TMEM272: variants seen among roughly 807,000 people sequenced by gnomAD.
The protein encoded by TMEM272 is transmembrane protein 272.
Under a neutral mutation model 3.7 loss-of-function variants are expected in TMEM272, and 8 were observed. The observed-to-expected ratio is 2.17, with a 90% CI of 1.27 to 3.91. TMEM272 has a LOEUF of 3.91. TMEM272 is among the 30% of genes most tolerant of loss of function. TMEM272 has a pLI of 0.00. For synonymous variants in TMEM272, 63 were observed against 39.8 expected, an observed-to-expected ratio of 1.58 and a Z score of -2.20; for missense variants, 166 against 91.5, an observed-to-expected ratio of 1.81 and a Z score of -3.32.
chr13:51,828,500 G>C (rs1236473778), intron 2 of TMEM272, among the ~76,000 whole-genome samples: 1 of 152,122 alleles, frequency 6.6e-6, no homozygotes, highest in Non-Finnish European at 1.5e-5. Context: ...TCCAGGAAAT[G>C]TTGATGGGGG....
chr13:51,870,537 C>T, the TMEM272 span, among the ~76,000 whole-genome samples: 7 of 150,886 alleles, frequency 4.6e-5, no homozygotes, highest in South Asian at 1.0e-3. Context: ...CCTCAAGTCC[C>T]GATAAAACAC....
At chr13:51,922,523 C>T in the TMEM272 span, among the ~76,000 whole-genome samples, 2 of 152,324 alleles carry the variant, frequency 1.3e-5, no homozygotes, top group South Asian at 4.1e-4. Context: ...CAGCCTCAAC[C>T]TGCCAGGCGA....
At chr13:51,849,353 G>A (rs147752430), upstream of TMEM272, among the ~76,000 whole-genome samples, 5 of 152,358 alleles carry the variant, frequency 3.3e-5, 1 homozygote, top group East Asian at 5.8e-4. Flanking sequence ...GGGGAGCACG[G>A]GGAGCTGCTG....
chr13:51,899,315 C>T, the TMEM272 span, among the ~76,000 whole-genome samples: 1 of 149,968 alleles, frequency 6.7e-6, no homozygotes, highest in Non-Finnish European at 1.5e-5. Flanking sequence ...GCTTCATAAT[C>T]ACACTGTATC....
the TMEM272 span, among the ~76,000 whole-genome samples, chr13:51,923,597 C>T: frequency 1.3e-5 from 2 of 151,478 alleles, no homozygotes; most frequent in Admixed American, 1.3e-4. Context: ...GTGAGACAAA[C>T]AGCTCCAAAG....
At chr13:51,820,652 G>A (rs1000006607) in intron 4 of TMEM272, among the ~76,000 whole-genome samples, 2 of 152,342 alleles carry the variant, frequency 1.3e-5, no homozygotes, top group East Asian at 3.9e-4. Flanking sequence ...TTGACGATGA[G>A]TGAGAACAGG....
chr13:51,838,342 C>T (rs1956233230), intron 2 of TMEM272, 131 bp downstream of exon 2: 6 of 679,002 alleles, frequency 8.8e-6, no homozygotes, highest in Non-Finnish European at 1.6e-5. Flanking sequence ...TCTTCCCCAG[C>T]TCTACCACCC....
At position 51,837,361 on chromosome 13, in the gene TMEM272, G is replaced by A. The variant is rs149633652; in HGVS notation, c.58+1112C>T. Among the ~76,000 whole-genome samples the A allele has an allele frequency of 1.9e-4, 29 of 152,250 alleles. No individual in the cohort carries two copies. The East Asian group carries it at 2.5e-3, about 13-fold the overall frequency. On this transcript the variant is annotated intron_variant, in intron 2 of 4. Coordinates refer to ENST00000629372, the MANE Select transcript of TMEM272 (RefSeq NM_001351003.2). ...GCTGATGGTGTCTCCTTTCCCTGCCGGCAGTAAACCTATGAGTTTTCATCC... is the reference window on the plus strand; with the variant it reads ...GCTGATGGTGTCTCCTTTCCCTGCCAGCAGTAAACCTATGAGTTTTCATCC...
chr13:51,854,755 G>A, the TMEM272 span, among the ~76,000 whole-genome samples: 2 of 152,158 alleles, frequency 1.3e-5, no homozygotes, highest in Non-Finnish European at 2.9e-5. Context: ...ATATGCAAAA[G>A]TACTTAGGAC....
chr13:51,843,596 T>A (rs1593601501), intron 1 of TMEM272, among the ~76,000 whole-genome samples: 1 of 152,216 alleles, frequency 6.6e-6, no homozygotes, highest in Non-Finnish European at 1.5e-5. Flanking sequence ...AAAACGTACA[T>A]TTTTTCTTAT....
the TMEM272 span, among the ~76,000 whole-genome samples, chr13:51,912,395 C>T: frequency 7.9e-5 from 12 of 152,076 alleles, no homozygotes; most frequent in African/African-American, 2.2e-4. Context: ...TCAGGAGCAC[C>T]GAGCCATGCC....
At chr13:51,867,690 A>T in the TMEM272 span, among the ~76,000 whole-genome samples, 3 of 152,164 alleles carry the variant, frequency 2.0e-5, no homozygotes, top group African/African-American at 7.2e-5. Flanking sequence ...TCTCAGAGGA[A>T]GCAGGGTCAG....
chr13:51,878,416 C>A, the TMEM272 span, among the ~76,000 whole-genome samples: 1 of 151,958 alleles, frequency 6.6e-6, no homozygotes, highest in Non-Finnish European at 1.5e-5. Context: ...GGTGACAGAG[C>A]GAGACTCTGT....
the TMEM272 span, among the ~76,000 whole-genome samples, chr13:51,876,515 A>G: frequency 6.6e-6 from 1 of 152,222 alleles, no homozygotes; most frequent in Non-Finnish European, 1.5e-5. Context: ...TACTCAGTTA[A>G]CTTCACATCA....
the TMEM272 span, among the ~76,000 whole-genome samples, chr13:51,864,075 CTCCCTCCCTTCCT>C: frequency 1.1e-4 from 17 of 151,160 alleles, no homozygotes; most frequent in Non-Finnish European, 1.8e-4. Context: ...TTCTCCTTCC[CTCCCTCCCTTCCT>C]TCCCTCCCTT....
At chr13:51,874,651 A>T in the TMEM272 span, among the ~76,000 whole-genome samples, 1 of 152,186 alleles carries the variant, frequency 6.6e-6, no homozygotes, top group Non-Finnish European at 1.5e-5. Context: ...TCCATGGAGG[A>T]TCCCGTTCTG....
the TMEM272 span, among the ~76,000 whole-genome samples, chr13:51,870,688 C>T: frequency 2.6e-5 from 4 of 152,214 alleles, no homozygotes; most frequent in East Asian, 7.7e-4. Flanking sequence ...AATCTGAATT[C>T]TAAGCTGGCA....
chr13:51,898,403 A>C, the TMEM272 span, among the ~76,000 whole-genome samples: 1 of 151,714 alleles, frequency 6.6e-6, no homozygotes, highest in African/African-American at 2.4e-5. Flanking sequence ...TTTTCAAAGA[A>C]CTAATTGAGA....
At chr13:51,830,526 T>A (rs1041003707) in intron 2 of TMEM272, among the ~76,000 whole-genome samples, 3 of 152,192 alleles carry the variant, frequency 2.0e-5, no homozygotes, top group Non-Finnish European at 4.4e-5. Flanking sequence ...CTTGTCAAAA[T>A]CATCAAATGT....
Sources: allele counts gnomAD v4.1 joint callset (sites outside exome capture counted in the v4.1 genomes callset), GRCh38; gene constraint gnomAD v4.1.1; transcripts MANE v1.5; gene names NCBI Gene and HGNC (gene_info 2026-07-23, HGNC 2026-07-21).